MSH4: variants seen among roughly 807,000 people sequenced by gnomAD.
The protein encoded by MSH4 is mutS protein homolog 4.
A neutral mutation model predicts 113.7 loss-of-function variants in MSH4; 106 were observed. That is an observed-to-expected ratio of 0.93 (90% confidence interval 0.80 to 1.10). The LOEUF (loss-of-function observed/expected upper bound fraction) is 1.10. Ranked by LOEUF, MSH4 falls within the 50% of genes least tolerant of loss-of-function variation. The pLI is 0.00. For missense variants in MSH4, 1,061 were observed against 1,093.7 expected, an observed-to-expected ratio of 0.97 and a Z score of 0.42; for synonymous variants, 368 against 380.2, an observed-to-expected ratio of 0.97 and a Z score of 0.37.
chr1:75,898,297 C>A (rs368450221), intron 18 of MSH4, among the ~76,000 whole-genome samples: 9 of 151,934 alleles, frequency 5.9e-5, no homozygotes, highest in East Asian at 1.9e-4. Flanking sequence ...AAGCCAGTAA[C>A]TATGTAAAAA....
chr1:75,907,684 C>CTCTCTCTCTCTACATATATATATA (rs1307238647), intron 19 of MSH4, among the ~76,000 whole-genome samples: 1 of 46,576 alleles, frequency 2.1e-5, no homozygotes, highest in Non-Finnish European at 3.7e-5. Flanking sequence ...CTCTCTCTCT[C>CTCTCTCTCTCTACATATATATATA]TATACATATA....
chr1:75,800,992 C>T lies in MSH4; in HGVS notation c.245-2739C>T, dbSNP rs191022426. On this transcript the variant is annotated intron_variant, in intron 1 of 19. Transcript: ENST00000263187. ...TAATTTTGATTTAGTTAAATACTCA[C>T]ATATGCTGCTTTATTGAACAATGCA... is the stretch of plus-strand genomic sequence containing the variant. Among the ~76,000 whole-genome samples, 6 of 152,260 alleles carry T rather than the reference C, an allele frequency of 3.9e-5. No homozygotes were observed. In the East Asian group the frequency reaches 1.2e-3, roughly 29 times the overall value.
At chr1:75,889,922 T>C (rs1014130489) in intron 16 of MSH4, among the ~76,000 whole-genome samples, 4 of 152,068 alleles carry the variant, frequency 2.6e-5, no homozygotes, top group African/African-American at 9.7e-5. Context: ...TTCAAGTAGA[T>C]AGGTGGTGAC....
chr1:75,834,532 G>C (rs552802735), intron 7 of MSH4, among the ~76,000 whole-genome samples: 4 of 152,272 alleles, frequency 2.6e-5, no homozygotes, highest in Admixed American at 1.3e-4. Flanking sequence ...AACTAACCCA[G>C]GTGTCCAACA....
chr1:75,818,929 AT>A (rs1012536456), intron 6 of MSH4, among the ~76,000 whole-genome samples: 18 of 148,408 alleles, frequency 1.2e-4, no homozygotes, highest in African/African-American at 3.9e-4. Context: ...TGCCCAGCTA[AT>A]TTTTTTTTTG....
In MSH4 at chr1:75,814,376, G is replaced by C. The variant is rs5745370; in HGVS notation, c.700-645G>C. 6.3e-3 allele frequency among the ~76,000 whole-genome samples: 951 copies of C among 151,792 alleles called. 16 individuals are homozygous for C. Among genetic ancestry groups the C allele is most frequent in the Admixed American group, 0.035 (531 of 15,210 alleles). ...GCTACTCAGGAGGATGAAGCAAGCA[G>C]ATTGCTTGTACCCTGGAGTTCAAAT... On this transcript the variant is annotated intron_variant, in intron 4 of 19. Transcript: ENST00000263187.
chr1:75,838,127 G>C (rs767812218), intron 7 of MSH4, among the ~76,000 whole-genome samples: 68 of 152,292 alleles, frequency 4.5e-4, no homozygotes, highest in Non-Finnish European at 1.6e-4. Context: ...TCTGAAATCA[G>C]TTTCACTGGG....
intron 1 of MSH4, among the ~76,000 whole-genome samples, chr1:75,798,671 C>T (rs1037591728): frequency 6.6e-6 from 1 of 152,022 alleles, no homozygotes; most frequent in South Asian, 2.1e-4. Context: ...ATCCTCCCAC[C>T]TCAGCCTCCC....
intron 19 of MSH4, among the ~76,000 whole-genome samples, chr1:75,903,738 T>G (rs2100592878): frequency 6.6e-6 from 1 of 152,252 alleles, no homozygotes; most frequent in East Asian, 1.9e-4. Flanking sequence ...ACTATTGACG[T>G]ATACAAATGT....
chr1:75,830,891 A>G (rs1261846892), intron 7 of MSH4, among the ~76,000 whole-genome samples: 1 of 152,212 alleles, frequency 6.6e-6, no homozygotes. Context: ...CTGACGAGCA[A>G]AATCACCAGC....
intron 1 of MSH4, 31 bp downstream of exon 1, chr1:75,797,260 T>C: frequency 1.3e-6 from 2 of 1,582,150 alleles, no homozygotes; most frequent in Non-Finnish European, 1.7e-6. Context: ...GGAGTCTCCT[T>C]GAGGCTAGAG....
intron 13 of MSH4, among the ~76,000 whole-genome samples, chr1:75,880,962 A>T (rs1280881428): frequency 6.6e-6 from 1 of 151,914 alleles, no homozygotes; most frequent in East Asian, 1.9e-4. Flanking sequence ...TTAATAATAA[A>T]AACTTATTTT....
At chr1:75,821,421 T>A (rs1318953586) in intron 6 of MSH4, among the ~76,000 whole-genome samples, 2 of 149,976 alleles carry the variant, frequency 1.3e-5, no homozygotes, top group African/African-American at 4.9e-5. Flanking sequence ...TAGAGGGAAA[T>A]TTATAGCACT....
At chr1:75,909,470 AT>A (rs113036946) in intron 19 of MSH4, among the ~76,000 whole-genome samples, 39,064 of 143,860 alleles carry the variant, frequency 0.27, 5,331 homozygotes, top group African/African-American at 0.34. Context: ...CCAGAATTGT[AT>A]TTTTTTTTTT....
chr1:75,869,250 A>G (rs1651657080), intron 9 of MSH4, among the ~76,000 whole-genome samples: 1 of 152,158 alleles, frequency 6.6e-6, no homozygotes, highest in Admixed American at 6.5e-5. Context: ...GGAACTTTGA[A>G]CTTGAGAGAG....
intron 18 of MSH4, among the ~76,000 whole-genome samples, chr1:75,898,606 C>T (rs1255185368): frequency 6.6e-6 from 1 of 151,628 alleles, no homozygotes; most frequent in Admixed American, 6.6e-5. Flanking sequence ...GCAACCTCCA[C>T]CTCCCAAGCT....
chr1:75,882,083 T>A (rs183231683), intron 14 of MSH4, among the ~76,000 whole-genome samples: 4 of 152,236 alleles, frequency 2.6e-5, no homozygotes, highest in Non-Finnish European at 4.4e-5. Flanking sequence ...GGATGTATCT[T>A]AAGATTTTTT....
intron 6 of MSH4, among the ~76,000 whole-genome samples, chr1:75,819,958 C>A (rs1650372866): frequency 6.6e-6 from 1 of 152,194 alleles, no homozygotes; most frequent in Non-Finnish European, 1.5e-5. Context: ...TCAAGTGATC[C>A]ACCTGCCTCT....
intron 8 of MSH4, among the ~76,000 whole-genome samples, chr1:75,849,658 C>A (rs1651146230): frequency 6.6e-6 from 1 of 152,078 alleles, no homozygotes; most frequent in South Asian, 2.1e-4. Flanking sequence ...TGGGAAGTAA[C>A]CTAAAACAAC....
Sources: allele counts gnomAD v4.1 joint callset (sites outside exome capture counted in the v4.1 genomes callset), GRCh38; gene constraint gnomAD v4.1.1; transcripts MANE v1.5; gene names NCBI Gene and HGNC (gene_info 2026-07-23, HGNC 2026-07-21).